The following OXNAD1 variants were observed in gnomAD, a reference collection of about 807,000 sequenced individuals.
OXNAD1 encodes oxidoreductase NAD-binding domain-containing protein 1.
A neutral mutation model predicts 32.9 loss-of-function variants in OXNAD1; 34 were observed. The ratio of observed to expected loss-of-function variants is 1.03; its 90% CI spans 0.79 to 1.38. The LOEUF (loss-of-function observed/expected upper bound fraction) is 1.38. Among genes scored for constraint, OXNAD1 ranks in the 40% most tolerant of loss-of-function variants. The pLI is 0.00. For missense variants in OXNAD1, 407 were observed against 379.4 expected, an observed-to-expected ratio of 1.07 and a Z score of -0.60; for synonymous variants, 134 against 135.2, an observed-to-expected ratio of 0.99 and a Z score of 0.06.
rs545113450 is a variant in OXNAD1 at position 16,334,594 on chromosome 3, G to A, written c.*31-2518G>A. 6.6e-6 allele frequency among the ~76,000 whole-genome samples: 1 copy of A among 152,198 alleles called. No individual in the cohort carries two copies. The highest frequency in any genetic ancestry group is 1.9e-4 in the East Asian group (1 of 5,182). ...AATGGCTGCTCATGTGTTGAGCCGG[G>A]GCATACAGGATGAAGAGGGACAATG... On this transcript the variant is annotated intron_variant, in intron 9 of 9. Coordinates refer to the OXNAD1 transcript ENST00000435829. The surrounding 1 kb of genome is among the most constrained non-coding windows in gnomAD (Gnocchi z 4.3).
At chr3:16,278,483 C>T (rs1473964298) in intron 4 of OXNAD1, among the ~76,000 whole-genome samples, 2 of 152,116 alleles carry the variant, frequency 1.3e-5, no homozygotes, top group African/African-American at 4.8e-5. Context: ...GTAGGATGAC[C>T]CTGCTTCCTC....
rs1006930298 is a variant in OXNAD1 at position 16,329,447 on chromosome 3, C to T, written c.*31-7665C>T. Among the ~76,000 whole-genome samples the T allele has an allele frequency of 3.3e-5, 5 of 152,124 alleles. No homozygotes were observed. The highest frequency in any genetic ancestry group is 7.4e-5 in the Non-Finnish European group (5 of 68,014). On this transcript the variant is annotated intron_variant, in intron 9 of 9. Coordinates refer to the OXNAD1 transcript ENST00000435829. The surrounding 1 kb of genome is among the most constrained non-coding windows in gnomAD (Gnocchi z 4.5). Reference sequence around the variant, plus strand: ...AGAATAATCCGTTTACAGGTGGGGCCAGGAGAGAATGCCATTCTGGTCCCT... The same window carrying T: ...AGAATAATCCGTTTACAGGTGGGGCTAGGAGAGAATGCCATTCTGGTCCCT...
At chr3:16,347,739 C>T (rs1172741206) in intron 9 of OXNAD1, 1 of 152,228 alleles carries the variant, frequency 6.6e-6, no homozygotes, top group Non-Finnish European at 1.5e-5. Context: ...ACTATATACA[C>T]ATTTGCACTG....
At chr3:16,331,344 C>T (rs966362737) in intron 9 of OXNAD1, among the ~76,000 whole-genome samples, 14 of 152,164 alleles carry the variant, frequency 9.2e-5, no homozygotes, top group African/African-American at 3.4e-4. Flanking sequence ...GTTTAGTGCT[C>T]CCATAAACAT....
chr3:16,319,392 A>G (rs180773723), intron 9 of OXNAD1, among the ~76,000 whole-genome samples: 205 of 152,330 alleles, frequency 1.3e-3, no homozygotes, highest in African/African-American at 4.8e-3. Context: ...ATTAGCTGTC[A>G]GTCTTTAGGC....
chr3:16,318,545 C>T (rs776248144), intron 9 of OXNAD1, among the ~76,000 whole-genome samples: 11 of 152,124 alleles, frequency 7.2e-5, no homozygotes, highest in African/African-American at 1.7e-4. Context: ...TAGTTTTCCA[C>T]GGTAGAGATC....
At chr3:16,293,499 A>G (rs2066562410) in intron 5 of OXNAD1, among the ~76,000 whole-genome samples, 1 of 151,988 alleles carries the variant, frequency 6.6e-6, no homozygotes, top group African/African-American at 2.4e-5. Context: ...CTTTTATTTC[A>G]TTTTCTTGTT....
Position 16,344,203 on chromosome 3 carries a change from TATTAC to T in OXNAD1, c.*31-4969_*31-4965del, listed in dbSNP as rs2071490741. Among the ~76,000 whole-genome samples the T allele has an allele frequency of 6.6e-6, 1 of 152,246 alleles. No individual in the cohort carries two copies. The highest frequency in any genetic ancestry group is 2.4e-5 in the African/African-American group (1 of 41,466). ...ATTTGTTGATACTTAAATGTATTCC[TATTAC>T]ATTTTATTGGGCTGGTTTTTGTCCA... On this transcript the variant is annotated intron_variant, in intron 9 of 9. Transcript: ENST00000606098. This position sits in a 1 kb window ranked among gnomAD's most constrained non-coding sequence, Gnocchi z 4.4.
intron 9 of OXNAD1, among the ~76,000 whole-genome samples, chr3:16,328,260 T>C (rs979985279): frequency 6.6e-6 from 1 of 152,190 alleles, no homozygotes; most frequent in Admixed American, 6.5e-5. Flanking sequence ...AAGGCAAAGC[T>C]GGGCCTAGAG....
chr3:16,330,538 T>G (rs922555671), intron 9 of OXNAD1, among the ~76,000 whole-genome samples: 5 of 152,226 alleles, frequency 3.3e-5, no homozygotes, highest in Admixed American at 2.6e-4. Flanking sequence ...GCCAGCCTGC[T>G]TATCAAACAA....
rs2064444459 is a variant in OXNAD1 at position 16,265,745 on chromosome 3, A to G, written c.-159+240A>G. 1 of 467,098 alleles carries G rather than the reference A, an allele frequency of 2.1e-6. No homozygotes were observed. Among genetic ancestry groups the G allele is most frequent in the Non-Finnish European group, 2.8e-6 (1 of 356,434 alleles). 28.9% of individuals were successfully genotyped at this position (467,098 alleles called of 1,614,324 possible). ...ACTCTAGGAGTTTACATGTTATTCCATTTTATTAATCTTTAAACTGAGGTA... is the reference window on the plus strand; with the variant it reads ...ACTCTAGGAGTTTACATGTTATTCCGTTTTATTAATCTTTAAACTGAGGTA... On this transcript the variant is annotated intron_variant, in intron 1 of 8. Coordinates refer to ENST00000285083, the MANE Select transcript of OXNAD1 (RefSeq NM_138381.5). This position sits in a 1 kb window ranked among gnomAD's most constrained non-coding sequence, Gnocchi z 4.8.
At chr3:16,331,968 A>G (rs1039248021) in intron 9 of OXNAD1, among the ~76,000 whole-genome samples, 4 of 152,262 alleles carry the variant, frequency 2.6e-5, no homozygotes, top group African/African-American at 9.6e-5. Flanking sequence ...CAGCAATGCT[A>G]TTGAGATAAT....
At chr3:16,295,932 T>G (rs1041035017) in intron 6 of OXNAD1, among the ~76,000 whole-genome samples, 55 of 152,328 alleles carry the variant, frequency 3.6e-4, no homozygotes, top group African/African-American at 1.1e-3. Context: ...CAGAGAATTT[T>G]TGGGTTTCTG....
downstream of OXNAD1, among the ~76,000 whole-genome samples, chr3:16,342,113 G>C (rs1328082750): frequency 6.6e-6 from 1 of 152,060 alleles, no homozygotes; most frequent in African/African-American, 2.4e-5. This position sits in a 1 kb window ranked among gnomAD's most constrained non-coding sequence, Gnocchi z 4.0. Flanking sequence ...TATATTCAGA[G>C]TTATACAACC....
At chr3:16,333,914 CCAGCA>C (rs1250084377) in intron 9 of OXNAD1, among the ~76,000 whole-genome samples, 8 of 152,210 alleles carry the variant, frequency 5.3e-5, no homozygotes, top group African/African-American at 1.9e-4. Context: ...GCCTGTAATC[CCAGCA>C]CTTTGGGAGG....
chr3:16,322,430 G>A lies in OXNAD1; in HGVS notation c.*31-14682G>A, dbSNP rs565221443. 2.0e-5 allele frequency among the ~76,000 whole-genome samples: 3 copies of A among 152,330 alleles called. No homozygotes were observed. The highest frequency in any genetic ancestry group is 2.1e-4 in the South Asian group (1 of 4,826). On this transcript the variant is annotated intron_variant, in intron 9 of 9. Transcript: ENST00000435829. The surrounding 1 kb of genome is among the most constrained non-coding windows in gnomAD (Gnocchi z 6.2). ...GTCCAAAGAACATGAGGAACCAAGC[G>A]TGAGGAATGCAGGAGTGATGCCAGG...
At position 16,270,582 on chromosome 3, in the gene OXNAD1, C is replaced by T. The variant is rs562259250; in HGVS notation, c.-8-363C>T. On this transcript the variant is annotated intron_variant, in intron 2 of 8. Transcript: ENST00000285083. ...TAACAAGAAATATAAAAGACTTATG[C>T]AGTACTCTTCAGGTAGAATACAATT... 5.9e-5 allele frequency among the ~76,000 whole-genome samples: 9 copies of T among 152,264 alleles called. No homozygotes were observed. The East Asian group carries it at 1.7e-3, about 29-fold the overall frequency.
chr3:16,291,175 C>T (rs974990719), intron 5 of OXNAD1, among the ~76,000 whole-genome samples: 6 of 152,136 alleles, frequency 3.9e-5, no homozygotes, highest in Admixed American at 3.3e-4. Flanking sequence ...GAGGCCATAT[C>T]GGCCTATTAA....
intron 5 of OXNAD1, among the ~76,000 whole-genome samples, chr3:16,293,471 C>A (rs1013168209): frequency 6.6e-6 from 1 of 152,230 alleles, no homozygotes; most frequent in Non-Finnish European, 1.5e-5. Flanking sequence ...GCAGCTTCCA[C>A]CTCTGCAATC....
Sources: allele counts gnomAD v4.1 joint callset (sites outside exome capture counted in the v4.1 genomes callset), GRCh38; gene constraint gnomAD v4.1.1; non-coding constraint Gnocchi (gnomAD v3.1); transcripts MANE v1.5; gene names NCBI Gene and HGNC (gene_info 2026-07-23, HGNC 2026-07-21).